Variants in POSTN observed in about 807,000 individuals in gnomAD.
POSTN encodes osteoblast specific factor 2 (fasciclin I-like).
Under a neutral mutation model 104.5 loss-of-function variants are expected in POSTN, and 71 were observed. The observed-to-expected ratio is 0.68, with a 90% CI of 0.56 to 0.83. The LOEUF is 0.83. Ranked by LOEUF, POSTN falls within the 40% of genes least tolerant of loss-of-function variation. POSTN has a pLI of 0.00. For missense variants in POSTN, 949 were observed against 1,006.8 expected (o/e 0.94, Z 0.78); for synonymous variants, 355 against 340.7 (o/e 1.04, Z -0.46).
At chr13:37,586,524 A>G (rs1228502796) in intron 6 of POSTN, among the ~76,000 whole-genome samples, 3 of 152,206 alleles carry the variant, frequency 2.0e-5, no homozygotes, top group Non-Finnish European at 4.4e-5. Context: ...AGCAGTACAT[A>G]TAATAACAGA....
At chr13:37,597,039 T>C in intron 2 of POSTN, 145 bp downstream of exon 2, 1 of 516,974 alleles carries the variant, frequency 1.9e-6, no homozygotes, top group Non-Finnish European at 3.3e-6. Flanking sequence ...TTTATTCACG[T>C]ATGTATTCCT....
At position 37,584,707 on chromosome 13, in the gene POSTN, G is replaced by T. The variant is rs1280552350; in HGVS notation, c.1108+9C>A. ...AAAAACAAAAACAAAAACAAAAAAA[G>T]TTGCTTACCAGAATCAGGAATTAGG... On this transcript the variant is annotated intron_variant, in intron 8 of 22. Coordinates refer to ENST00000379747, the MANE Select transcript of POSTN (RefSeq NM_006475.3). 2.5e-6 allele frequency: 4 copies of T among 1,606,362 alleles called. No homozygotes were observed. Among genetic ancestry groups the T allele is most frequent in the African/African-American group, 1.3e-5 (1 of 74,650 alleles).
intron 11 of POSTN, among the ~76,000 whole-genome samples, 159 bp downstream of exon 11, chr13:37,580,402 G>A (rs972187371): frequency 1.3e-5 from 2 of 152,162 alleles, no homozygotes; most frequent in African/African-American, 4.8e-5. Context: ...AAGTAGCAGC[G>A]AAAACATATA....
chr13:37,586,436 T>C (rs1169141236), intron 6 of POSTN, among the ~76,000 whole-genome samples, 156 bp from the exon 7 acceptor site: 4 of 152,226 alleles, frequency 2.6e-5, no homozygotes, highest in Non-Finnish European at 5.9e-5. Flanking sequence ...GACACAACCA[T>C]GTCTTTTCCA....
At chr13:37,582,301 T>G in intron 10 of POSTN, 65 bp downstream of exon 10, 27 of 1,490,708 alleles carry the variant, frequency 1.8e-5, no homozygotes, top group Non-Finnish European at 2.4e-5. Context: ...TGTGAAATAT[T>G]CATTGAAACA....
At chr13:37,566,577 T>C (rs895569697) in intron 21 of POSTN, among the ~76,000 whole-genome samples, 6 of 152,146 alleles carry the variant, frequency 3.9e-5, no homozygotes, top group African/African-American at 1.4e-4. Flanking sequence ...AGTCAACTAA[T>C]TTGGGATTGA....
intron 1 of POSTN, among the ~76,000 whole-genome samples, chr13:37,598,170 C>T (rs191452455): frequency 1.3e-5 from 2 of 152,228 alleles, no homozygotes; most frequent in African/African-American, 2.4e-5. Flanking sequence ...CAGTATTTAA[C>T]CTTCATATGT....
intron 21 of POSTN, chr13:37,564,793 C>T: frequency 5.8e-6 from 2 of 343,144 alleles, no homozygotes; most frequent in East Asian, 9.5e-5. Flanking sequence ...TTGCAAAACA[C>T]ATTGTTTCAT....
At chr13:37,583,283 A>T (rs17056105) in intron 9 of POSTN, among the ~76,000 whole-genome samples, 13,882 of 152,062 alleles carry the variant, frequency 0.091, 796 homozygotes, top group Admixed American at 0.15. Flanking sequence ...TACTGTCCAA[A>T]TTTTGAGATG....
intron 19 of POSTN, among the ~76,000 whole-genome samples, chr13:37,570,251 G>A (rs910847929): frequency 1.3e-5 from 2 of 151,762 alleles, no homozygotes; most frequent in Non-Finnish European, 3.0e-5. Flanking sequence ...AAGCTCAAAT[G>A]AGGAAATGGC....
intron 18 of POSTN, 120 bp downstream of exon 18, chr13:37,571,249 C>T (rs1197735505): frequency 1.0e-5 from 7 of 683,526 alleles, no homozygotes; most frequent in African/African-American, 3.8e-5. Flanking sequence ...AAATAATTCC[C>T]ACAATTTTTA....
At chr13:37,582,633 G>A in intron 9 of POSTN, 119 bp from the exon 10 acceptor site, 5 of 947,890 alleles carry the variant, frequency 5.3e-6, no homozygotes, top group Non-Finnish European at 7.6e-6. Flanking sequence ...CATGGATTTT[G>A]CACTCATATA....
chr13:37,581,954 A>G (rs1381102183), intron 10 of POSTN, among the ~76,000 whole-genome samples: 3 of 152,238 alleles, frequency 2.0e-5, no homozygotes, highest in Non-Finnish European at 2.9e-5. Context: ...CAATGCAGAA[A>G]CTAATCAACA....
intron 16 of POSTN, among the ~76,000 whole-genome samples, chr13:37,577,415 T>A (rs1278530135): frequency 6.6e-6 from 1 of 152,210 alleles, no homozygotes. Flanking sequence ...CATTTCTGTG[T>A]CCACACATCT....
chr13:37,587,696 G>T, intron 5 of POSTN, 126 bp downstream of exon 5: 1 of 747,666 alleles, frequency 1.3e-6, no homozygotes, highest in Non-Finnish European at 2.1e-6. Flanking sequence ...TGGGGGTAAA[G>T]TCATAATATA....
chr13:37,582,545 A>G lies in POSTN; in HGVS notation c.1244-31T>C, dbSNP rs774462668. 7 of 1,555,898 alleles carry G rather than the reference A, an allele frequency of 4.5e-6. No individual in the cohort carries two copies. In the Admixed American group the frequency reaches 1.4e-4, roughly 31 times the overall value. On this transcript the variant is annotated intron_variant, in intron 9 of 22. Coordinates refer to ENST00000379747, the MANE Select transcript of POSTN (RefSeq NM_006475.3). Reference sequence around the variant, plus strand: ...AATAAATTCATTAAGAAAGAGCATTATTTTATTTAGAAAACATTGAAGTTT... The same window carrying G: ...AATAAATTCATTAAGAAAGAGCATTGTTTTATTTAGAAAACATTGAAGTTT...
chr13:37,573,991 T>G (rs187707249), intron 17 of POSTN, among the ~76,000 whole-genome samples: 57 of 151,770 alleles, frequency 3.8e-4, no homozygotes, highest in African/African-American at 1.3e-3. Context: ...AATAATATGT[T>G]CAGGGCTGGA....
At chr13:37,577,001 C>T (rs1034766379) in intron 16 of POSTN, among the ~76,000 whole-genome samples, 4 of 152,030 alleles carry the variant, frequency 2.6e-5, no homozygotes, top group Non-Finnish European at 5.9e-5. Context: ...GCTACTGATA[C>T]ACTTTGAGTG....
chr13:37,580,406 A>G (rs1950545097), intron 11 of POSTN, among the ~76,000 whole-genome samples, 155 bp downstream of exon 11: 1 of 152,208 alleles, frequency 6.6e-6, no homozygotes, highest in Admixed American at 6.5e-5. Context: ...AGCAGCGAAA[A>G]CATATATCAA....
Sources: gnomAD v4.1 joint callset for allele counts (sites outside exome capture counted in the v4.1 genomes callset) on GRCh38, gnomAD v4.1.1 for gene constraint, MANE v1.5 for transcripts, NCBI Gene and HGNC (gene_info 2026-07-23, HGNC 2026-07-21) for gene names.